CRACR2A: variants seen among roughly 807,000 people sequenced by gnomAD.
CRACR2A encodes calcium release activated channel regulator 2A.
A neutral mutation model predicts 90.5 loss-of-function variants in CRACR2A; 79 were observed. That is an observed-to-expected ratio of 0.87 (90% CI 0.73 to 1.05). The LOEUF is 1.05. CRACR2A is among the 50% of genes least tolerant of loss of function. The pLI is 0.00. For missense variants in CRACR2A, 823 were observed against 897.2 expected, an observed-to-expected ratio of 0.92 and a Z score of 1.06; for synonymous variants, 338 against 356.7, an observed-to-expected ratio of 0.95 and a Z score of 0.59.
intron 17 of CRACR2A, among the ~76,000 whole-genome samples, chr12:3,625,947 T>C (rs1944249755): frequency 1.3e-5 from 2 of 152,188 alleles, no homozygotes; most frequent in South Asian, 4.1e-4. Flanking sequence ...GATCGTGTCG[T>C]AAACTCCAAA....
intron 7 of CRACR2A, among the ~76,000 whole-genome samples, chr12:3,660,285 C>T (rs1423397850): frequency 2.0e-5 from 3 of 152,146 alleles, no homozygotes; most frequent in South Asian, 2.1e-4. Context: ...AAAGCAAAAG[C>T]GACAATGTCT....
At position 3,638,216 on chromosome 12, in the gene CRACR2A, C is replaced by G. The variant is rs1177328371; in HGVS notation, c.1510G>C (p.Gly504Arg). Residue 504 changes from glycine (G) to arginine (R), a missense_variant, in exon 14 of 20, where the codon GGG becomes CGG. Transcript: ENST00000440314. ...CSEEEEVSDQ[G>R]VQGQIPEAPP... ...GCCTCCGGGATTTGTCCCTGTACCC[C>G]CTGGTCAGAGACCTCTTCCTCTTCT... The G allele has an allele frequency of 6.4e-7, 1 of 1,551,516 alleles. No homozygotes were observed. The highest frequency in any genetic ancestry group is 8.7e-7 in the Non-Finnish European group (1 of 1,146,980).
rs1445886018 is a variant in CRACR2A, at chr12:3,746,173, T to C, written c.-387+6842A>G. Among the ~76,000 whole-genome samples the C allele has an allele frequency of 1.3e-5, 2 of 152,246 alleles. No homozygotes were observed. Among genetic ancestry groups the C allele is most frequent in the Admixed American group, 1.3e-4 (2 of 15,286 alleles). ...CACTAACATCATTGGTTATTTTTCATATCATCTCCTGCTATGAGCTAAATT... is the reference window on the plus strand; with the variant it reads ...CACTAACATCATTGGTTATTTTTCACATCATCTCCTGCTATGAGCTAAATT... On this transcript the variant is annotated intron_variant, in intron 1 of 19. Coordinates refer to ENST00000440314, the MANE Select transcript of CRACR2A (RefSeq NM_001144958.2). The surrounding 1 kb of genome is among the most constrained non-coding windows in gnomAD (Gnocchi z 4.4).
At position 3,628,975 on chromosome 12, in the gene CRACR2A, T is replaced by C. The variant is rs527941094; in HGVS notation, c.1736-1269A>G. ...GGGGCAGCAGGGAGTCTAGAGGCCC[T>C]CTGCTTCACAGATGAGGGCCAGAGA... On this transcript the variant is annotated intron_variant, in intron 15 of 19. Coordinates refer to ENST00000440314, the MANE Select transcript of CRACR2A (RefSeq NM_001144958.2). Among the ~76,000 whole-genome samples, 4 of 152,284 alleles carry C rather than the reference T, an allele frequency of 2.6e-5. No homozygotes were observed. The South Asian group carries it at 6.2e-4, about 24-fold the overall frequency.
intron 17 of CRACR2A, among the ~76,000 whole-genome samples, chr12:3,625,604 G>A (rs909118457): frequency 6.8e-6 from 1 of 147,118 alleles, no homozygotes; most frequent in African/African-American, 2.5e-5. Context: ...ACTTTTGAAT[G>A]AGATGGCCAT....
intron 2 of CRACR2A, among the ~76,000 whole-genome samples, chr12:3,718,548 A>C (rs1946112131): frequency 2.0e-5 from 3 of 152,240 alleles, no homozygotes; most frequent in Admixed American, 2.0e-4. Context: ...GAGATGTAAG[A>C]GCAAAAGAGA....
At chr12:3,749,605 C>T (rs1946675102) in intron 1 of CRACR2A, among the ~76,000 whole-genome samples, 1 of 152,182 alleles carries the variant, frequency 6.6e-6, no homozygotes, top group African/African-American at 2.4e-5. Context: ...CACACAGGTA[C>T]CGTCTGGCTT....
chr12:3,717,000 G>A (rs1946092425), intron 2 of CRACR2A, among the ~76,000 whole-genome samples: 1 of 152,156 alleles, frequency 6.6e-6, no homozygotes, highest in South Asian at 2.1e-4. Flanking sequence ...CAGTGTCTAA[G>A]TGGATGGCAC....
rs113340881 is a variant in CRACR2A at position 3,749,105 on chromosome 12, C to G, written c.-387+3910G>C. 7.6e-3 allele frequency among the ~76,000 whole-genome samples: 1,153 copies of G among 152,312 alleles called. 20 individuals carry two copies. Among genetic ancestry groups the G allele is most frequent in the African/African-American group, 0.026 (1,086 of 41,564 alleles). ...CTGTGCCTCTCTCTTCCTCAGTTAA[C>G]TTTTCTATAAAATGGGCATGATGGC... On this transcript the variant is annotated intron_variant, in intron 1 of 19. Transcript: ENST00000440314.
chr12:3,666,830 C>T (rs978572092), intron 7 of CRACR2A, among the ~76,000 whole-genome samples: 19 of 152,330 alleles, frequency 1.2e-4, no homozygotes, highest in African/African-American at 3.8e-4. Context: ...CTTAGAAAGT[C>T]GTCCATTCCC....
chr12:3,670,535 T>TATTGGG, intron 7 of CRACR2A, among the ~76,000 whole-genome samples: 1 of 152,190 alleles, frequency 6.6e-6, no homozygotes, highest in African/African-American at 2.4e-5. Context: ...TCCTATACCC[T>TATTGGG]ATTGGGATTT....
At chr12:3,627,598 A>G in intron 16 of CRACR2A, 27 bp downstream of exon 16, 1 of 1,551,568 alleles carries the variant, frequency 6.4e-7, no homozygotes, top group Non-Finnish European at 8.7e-7. Flanking sequence ...TTCCCTCTGG[A>G]GCCCAGAACT....
At chr12:3,631,364 G>T (rs758824274) in intron 15 of CRACR2A, among the ~76,000 whole-genome samples, 1 of 152,166 alleles carries the variant, frequency 6.6e-6, no homozygotes, top group South Asian at 2.1e-4. Flanking sequence ...TTTGTTGTCA[G>T]GAGAGGCAGG....
At chr12:3,695,725 C>T (rs376099303) in intron 4 of CRACR2A, among the ~76,000 whole-genome samples, 2 of 152,194 alleles carry the variant, frequency 1.3e-5, no homozygotes, top group African/African-American at 4.8e-5. Context: ...CACAGGGATG[C>T]GTCCCTTCAA....
chr12:3,662,939 C>A (rs1945064750), intron 7 of CRACR2A, among the ~76,000 whole-genome samples: 1 of 152,260 alleles, frequency 6.6e-6, no homozygotes, highest in African/African-American at 2.4e-5. Context: ...AAAACCACTT[C>A]TATTGCCTAA....
chr12:3,617,063 A>G, intron 18 of CRACR2A, 33 bp from the exon 19 acceptor site: 1 of 1,491,046 alleles, frequency 6.7e-7, no homozygotes, highest in South Asian at 1.2e-5. Flanking sequence ...ATACAAGAGT[A>G]TTGGAGTGAG....
At chr12:3,644,929 C>T (rs1008212911) in intron 11 of CRACR2A, among the ~76,000 whole-genome samples, 10 of 152,198 alleles carry the variant, frequency 6.6e-5, no homozygotes, top group Non-Finnish European at 1.5e-4. Flanking sequence ...ACAGAGGGGA[C>T]CTCAGCATTC....
At chr12:3,626,646 C>T (rs943723594) in intron 17 of CRACR2A, among the ~76,000 whole-genome samples, 7 of 152,190 alleles carry the variant, frequency 4.6e-5, no homozygotes, top group East Asian at 3.9e-4. Context: ...GTGGAAGGGG[C>T]GGGACATCCT....
At chr12:3,714,268 G>A (rs1358222107) in intron 2 of CRACR2A, among the ~76,000 whole-genome samples, 2 of 152,238 alleles carry the variant, frequency 1.3e-5, no homozygotes, top group Admixed American at 1.3e-4. Flanking sequence ...GCAAGGTATT[G>A]TCCTTGTGGA....
Sources: allele counts gnomAD v4.1 joint callset (sites outside exome capture counted in the v4.1 genomes callset), GRCh38; gene constraint gnomAD v4.1.1; non-coding constraint Gnocchi (gnomAD v3.1); transcripts MANE v1.5; gene names NCBI Gene and HGNC (gene_info 2026-07-23, HGNC 2026-07-21).